Variants in AZIN2 observed in about 807,000 individuals in gnomAD.
AZIN2 encodes the protein antizyme inhibitor 2, also known as ODC antizyme inhibitor-2.
Under a neutral mutation model 47.8 loss-of-function variants are expected in AZIN2, and 28 were observed. That is an observed-to-expected ratio of 0.59 (90% CI 0.43 to 0.80). The LOEUF (loss-of-function observed/expected upper bound fraction) is 0.80. Among genes scored for constraint, AZIN2 ranks in the 30% least tolerant of loss-of-function variants. The pLI, the probability that AZIN2 is intolerant of heterozygous loss-of-function variation, is 0.00. For missense variants in AZIN2, 535 were observed against 582.5 expected (o/e 0.92, Z 0.84); for synonymous variants, 221 against 239.4 (o/e 0.92, Z 0.71).
At chr1:33,149,859 G>A in the AZIN2 span, among the ~76,000 whole-genome samples, 15 of 152,166 alleles carry the variant, frequency 9.9e-5, no homozygotes, top group African/African-American at 3.4e-4. Context: ...GGCAAGGACC[G>A]TGTACTGTCT....
chr1:33,119,877 C>A (rs1380726661), intron 11 of AZIN2, 167 bp from the exon 12 acceptor site: 3 of 806,892 alleles, frequency 3.7e-6, no homozygotes, highest in Admixed American at 2.7e-5. Context: ...GGGGACCACA[C>A]GGGAGTAGGA....
intron 4 of AZIN2, chr1:33,083,380 A>G (rs1641508954): frequency 1.2e-5 from 2 of 171,562 alleles, no homozygotes; most frequent in South Asian, 1.5e-4. Flanking sequence ...CACATCTACA[A>G]TGAACAGTTG....
rs549772403 is a variant in AZIN2, at chr1:33,082,240, C to T, written c.-10C>T. 3.1e-6 allele frequency: 5 copies of T among 1,612,328 alleles called. No homozygotes were observed. The highest frequency in any genetic ancestry group is 4.2e-6 in the Non-Finnish European group (5 of 1,178,644). On this transcript the variant is annotated 5_prime_UTR_variant, in exon 4 of 12. Coordinates refer to ENST00000294517, the MANE Select transcript of AZIN2 (RefSeq NM_052998.4). ...GGCTCCATCCAGCCCGTCAGCTCCTCCTGCAAGGCATGGCTGGCTACCTGA... is the reference window on the plus strand; with the variant it reads ...GGCTCCATCCAGCCCGTCAGCTCCTTCTGCAAGGCATGGCTGGCTACCTGA...
chr1:33,158,067 G>A, the AZIN2 span, among the ~76,000 whole-genome samples: 3 of 152,272 alleles, frequency 2.0e-5, no homozygotes, highest in African/African-American at 7.2e-5. Context: ...CTCCTGGGGT[G>A]TTATGAAGGT....
At chr1:33,114,322 T>C (rs1157566721) in intron 10 of AZIN2, among the ~76,000 whole-genome samples, 1 of 148,438 alleles carries the variant, frequency 6.7e-6, no homozygotes, top group East Asian at 2.0e-4. Context: ...GGCTTTACCA[T>C]GTTGGCCAGA....
At chr1:33,149,638 A>G in the AZIN2 span, among the ~76,000 whole-genome samples, 1 of 151,360 alleles carries the variant, frequency 6.6e-6, no homozygotes, top group African/African-American at 2.4e-5. Context: ...AATTTTTCAT[A>G]GAGATGAGGT....
At chr1:33,145,615 G>A in the AZIN2 span, 2 of 243,640 alleles carry the variant, frequency 8.2e-6, no homozygotes, top group Non-Finnish European at 1.6e-5. Context: ...TTGGGATGGT[G>A]TGTTGTGTCA....
At chr1:33,127,398 A>G (rs997428552), downstream of AZIN2, among the ~76,000 whole-genome samples, 1 of 152,258 alleles carries the variant, frequency 6.6e-6, no homozygotes, top group African/African-American at 2.4e-5. Context: ...GACTTTACCA[A>G]ACGGTGAGAA....
At chr1:33,160,737 G>T in the AZIN2 span, among the ~76,000 whole-genome samples, 1 of 152,120 alleles carries the variant, frequency 6.6e-6, no homozygotes, top group African/African-American at 2.4e-5. Context: ...CATTCATGGG[G>T]CTCATTCAGG....
chr1:33,139,335 A>C, the AZIN2 span, among the ~76,000 whole-genome samples: 1 of 152,168 alleles, frequency 6.6e-6, no homozygotes, highest in Admixed American at 6.5e-5. Context: ...GCTACTTTTC[A>C]GCCAGAAAAC....
the AZIN2 span, chr1:33,165,350 C>T: frequency 3.2e-6 from 3 of 927,034 alleles, no homozygotes; most frequent in Non-Finnish European, 4.8e-6. The surrounding 1 kb of genome is among the most constrained non-coding windows in gnomAD (Gnocchi z 4.0). Context: ...AGGTTTGGCT[C>T]CTTGAAGCCA....
chr1:33,138,356 T>C, the AZIN2 span, among the ~76,000 whole-genome samples: 1 of 152,114 alleles, frequency 6.6e-6, no homozygotes. Context: ...TTACGTAGAA[T>C]AGACTCACGT....
At chr1:33,089,943 C>T (rs999001933) in intron 5 of AZIN2, among the ~76,000 whole-genome samples, 3 of 152,152 alleles carry the variant, frequency 2.0e-5, no homozygotes, top group Non-Finnish European at 4.4e-5. Flanking sequence ...TTCGAAAGTT[C>T]GTTCTGCCAC....
the AZIN2 span, among the ~76,000 whole-genome samples, chr1:33,133,079 G>A: frequency 6.6e-6 from 1 of 152,218 alleles, no homozygotes. Context: ...AGGCCCAGTG[G>A]GTCAGGAGAG....
chr1:33,134,023 C>G, the AZIN2 span, among the ~76,000 whole-genome samples: 1 of 152,242 alleles, frequency 6.6e-6, no homozygotes, highest in South Asian at 2.1e-4. Context: ...GCTGGCTTCT[C>G]TGAGGCTAAA....
the AZIN2 span, chr1:33,145,833 C>T: frequency 2.1e-6 from 1 of 470,638 alleles, no homozygotes; most frequent in Non-Finnish European, 4.4e-6. Flanking sequence ...GCAGGTGGGG[C>T]TTGCTCCACC....
Position 33,115,053 on chromosome 1 carries a change from C to T in AZIN2, c.1030-2849C>T, listed in dbSNP as rs374312990. On this transcript the variant is annotated intron_variant, in intron 10 of 11. Transcript: ENST00000294517. ...TCTGTGGCTCTGTCAGACATATGTG[C>T]CTTTGAAGAAGGCAGCTAGGTGCAG... Among the ~76,000 whole-genome samples, 5 of 152,264 alleles carry T rather than the reference C, an allele frequency of 3.3e-5. No homozygotes were observed. In the East Asian group the frequency reaches 7.7e-4, roughly 24 times the overall value.
At chr1:33,101,496 ATT>A (rs35912554) in intron 10 of AZIN2, among the ~76,000 whole-genome samples, 1,875 of 133,438 alleles carry the variant, frequency 0.014, 44 homozygotes, top group African/African-American at 0.046. Flanking sequence ...TCTGCCTGGT[ATT>A]TTTTTTTTTT....
intron 5 of AZIN2, among the ~76,000 whole-genome samples, chr1:33,091,392 A>G (rs1642535234): frequency 6.6e-6 from 1 of 152,094 alleles, no homozygotes; most frequent in Non-Finnish European, 1.5e-5. Flanking sequence ...GGCATGTACT[A>G]CCAAGCCTGG....
Sources: gnomAD v4.1 joint callset for allele counts (sites outside exome capture counted in the v4.1 genomes callset) on GRCh38, gnomAD v4.1.1 for gene constraint, Gnocchi (gnomAD v3.1) non-coding constraint, MANE v1.5 for transcripts, NCBI Gene and HGNC (gene_info 2026-07-23, HGNC 2026-07-21) for gene names.